Variants in ATP13A4 observed in about 807,000 individuals in gnomAD.
The protein encoded by ATP13A4 is ATPase 13A4.
A neutral mutation model predicts 142.5 loss-of-function variants in ATP13A4; 114 were observed. The observed-to-expected ratio is 0.80, with a 90% CI of 0.69 to 0.93. ATP13A4 has a LOEUF of 0.93. Among genes scored for constraint, ATP13A4 ranks in the 40% least tolerant of loss-of-function variants. The pLI is 0.00. For missense variants in ATP13A4, 1,392 were observed against 1,454.0 expected (o/e 0.96, Z 0.69); for synonymous variants, 488 against 514.8 (o/e 0.95, Z 0.70).
At chr3:193,420,703 G>C (rs1304984463) in intron 25 of ATP13A4, among the ~76,000 whole-genome samples, 6 of 149,442 alleles carry the variant, frequency 4.0e-5, no homozygotes. Context: ...TTAACAAAGA[G>C]ATAAATATCA....
chr3:193,524,716 C>T (rs1053852707), intron 1 of ATP13A4, among the ~76,000 whole-genome samples: 4 of 152,160 alleles, frequency 2.6e-5, no homozygotes, highest in Non-Finnish European at 4.4e-5. Context: ...AATAAGAATA[C>T]TAATGCCTAC....
intron 25 of ATP13A4, among the ~76,000 whole-genome samples, chr3:193,416,423 C>T (rs183053894): frequency 5.6e-4 from 85 of 151,852 alleles, no homozygotes; most frequent in South Asian, 1.7e-3. Context: ...AGGGAAACCA[C>T]GGGCAAAGAA....
intron 2 of ATP13A4, among the ~76,000 whole-genome samples, chr3:193,567,106 A>T (rs995946469): frequency 6.6e-6 from 1 of 152,216 alleles, no homozygotes; most frequent in Non-Finnish European, 1.5e-5. Flanking sequence ...AATTATGTCC[A>T]TATAATAGAA....
chr3:193,427,664 A>C (rs1389562562), intron 25 of ATP13A4, among the ~76,000 whole-genome samples: 1 of 152,214 alleles, frequency 6.6e-6, no homozygotes, highest in Non-Finnish European at 1.5e-5. Flanking sequence ...ATCTTTGACA[A>C]ACCTGACAAA....
intron 2 of ATP13A4, among the ~76,000 whole-genome samples, chr3:193,580,561 C>T (rs1724517387): frequency 6.6e-6 from 1 of 152,136 alleles, no homozygotes. Flanking sequence ...GAAGAATCAC[C>T]ATGCAGAATT....
chr3:193,498,435 C>T (rs1720363591), intron 3 of ATP13A4, among the ~76,000 whole-genome samples: 1 of 152,120 alleles, frequency 6.6e-6, no homozygotes, highest in Non-Finnish European at 1.5e-5. Context: ...GCTTCTGATT[C>T]TTTAAGCAAG....
intron 1 of ATP13A4, among the ~76,000 whole-genome samples, chr3:193,530,662 G>A (rs1003006198): frequency 5.3e-5 from 8 of 152,134 alleles, no homozygotes; most frequent in East Asian, 1.9e-4. Flanking sequence ...CCACACTGCC[G>A]CAGAGTGATC....
chr3:193,495,051 T>A (rs925956595), intron 3 of ATP13A4, among the ~76,000 whole-genome samples: 6 of 151,978 alleles, frequency 3.9e-5, no homozygotes, highest in Non-Finnish European at 7.4e-5. Flanking sequence ...GATTGAATCA[T>A]GAAGAAATAC....
chr3:193,533,258 C>G (rs924216151), intron 1 of ATP13A4, among the ~76,000 whole-genome samples: 5 of 152,028 alleles, frequency 3.3e-5, no homozygotes, highest in African/African-American at 1.2e-4. Context: ...AAGATTTCCA[C>G]CTCTGGAAAC....
chr3:193,457,481 G>T lies in ATP13A4; in HGVS notation c.1675-16C>A. The T allele has an allele frequency of 6.2e-7, 1 of 1,600,070 alleles. No individual in the cohort carries two copies. The highest frequency in any genetic ancestry group is 1.1e-5 in the South Asian group (1 of 90,144). Reference sequence around the variant, plus strand: ...AAGCCATTTCCTATTTCACAAATAGGATATTTCATTGCAGAGATTTATTTA... The same window carrying T: ...AAGCCATTTCCTATTTCACAAATAGTATATTTCATTGCAGAGATTTATTTA... On this transcript the variant is annotated splice_polypyrimidine_tract_variant and intron_variant, in intron 14 of 29. Coordinates refer to ENST00000342695, the MANE Select transcript of ATP13A4 (RefSeq NM_032279.4).
In ATP13A4 at chr3:193,491,354, G is replaced by A; in HGVS notation, c.578C>T (p.Pro193Leu). ...CTCCTTGATGAGCAGTTTCCAAATT[G>A]GTGTAACTTCAACATCGATAGTATT... Reference protein sequence around the residue: ...GPNTIDVEVTPIWKLLIKEVL... With the variant: ...GPNTIDVEVTLIWKLLIKEVL... Residue 193 changes from proline to leucine, a missense_variant, in exon 6 of 30, where the codon CCA becomes CTA. Transcript: ENST00000342695. 6.2e-7 allele frequency: 1 copy of A among 1,602,350 alleles called. No homozygotes were observed. Among genetic ancestry groups the A allele is most frequent in the Non-Finnish European group, 8.5e-7 (1 of 1,169,748 alleles).
intron 7 of ATP13A4, among the ~76,000 whole-genome samples, chr3:193,488,910 G>T (rs1188967523): frequency 2.6e-5 from 4 of 152,160 alleles, no homozygotes; most frequent in Non-Finnish European, 4.4e-5. Context: ...GGTGGGAGTG[G>T]ATGGTCTCTC....
At chr3:193,449,728 A>C (rs1452620572) in intron 17 of ATP13A4, among the ~76,000 whole-genome samples, 1 of 152,160 alleles carries the variant, frequency 6.6e-6, no homozygotes, top group African/African-American at 2.4e-5. Context: ...TCCTTACTTC[A>C]TAGAAAAGGT....
intron 15 of ATP13A4, 56 bp downstream of exon 15, chr3:193,457,323 A>G (rs1344223971): frequency 6.2e-7 from 1 of 1,600,700 alleles, no homozygotes; most frequent in Non-Finnish European, 8.6e-7. Flanking sequence ...ACTGGGGGCC[A>G]GAAGAGTTTC....
chr3:193,439,914 C>T (rs1420696730), intron 21 of ATP13A4, among the ~76,000 whole-genome samples: 1 of 152,032 alleles, frequency 6.6e-6, no homozygotes, highest in African/African-American at 2.4e-5. Flanking sequence ...AAGTAGGAGT[C>T]GGAGTCATGT....
chr3:193,455,305 C>A (rs4686640), intron 16 of ATP13A4, among the ~76,000 whole-genome samples: 2,287 of 141,202 alleles, frequency 0.016, 112 homozygotes, highest in Admixed American at 0.11. Flanking sequence ...TGCGCCACTG[C>A]ACTCCAGCCT....
chr3:193,472,909 A>T (rs1718706840), intron 8 of ATP13A4, among the ~76,000 whole-genome samples: 1 of 152,260 alleles, frequency 6.6e-6, no homozygotes, highest in Non-Finnish European at 1.5e-5. Context: ...GTGATAGTAG[A>T]TTCCAATGAA....
At chr3:193,537,483 T>G (rs931760411) in intron 1 of ATP13A4, among the ~76,000 whole-genome samples, 4 of 152,142 alleles carry the variant, frequency 2.6e-5, no homozygotes, top group Non-Finnish European at 5.9e-5. Context: ...AGAAAAAATG[T>G]TGGAGAAAAT....
At chr3:193,468,721 T>G (rs182387670) in intron 9 of ATP13A4, among the ~76,000 whole-genome samples, 2 of 152,294 alleles carry the variant, frequency 1.3e-5, no homozygotes, top group East Asian at 3.9e-4. Context: ...CACAGCAGCC[T>G]GGACAATAGA....
Sources: gnomAD v4.1 joint callset for allele counts (sites outside exome capture counted in the v4.1 genomes callset) on GRCh38, gnomAD v4.1.1 for gene constraint, MANE v1.5 for transcripts, NCBI Gene and HGNC (gene_info 2026-07-23, HGNC 2026-07-21) for gene names.